CDYL: variants seen among roughly 807,000 people sequenced by gnomAD.
CDYL encodes chromodomain Y-like protein.
Under a neutral mutation model 47.3 loss-of-function variants are expected in CDYL, and 8 were observed. The observed-to-expected ratio is 0.17, with a 90% CI of 0.10 to 0.31. The LOEUF is 0.31. Ranked by LOEUF, CDYL falls within the 10% of genes least tolerant of loss-of-function variation. The pLI is 1.00. For missense variants in CDYL, 471 were observed against 701.4 expected, an observed-to-expected ratio of 0.67 and a Z score of 3.71; for synonymous variants, 266 against 265.0, an observed-to-expected ratio of 1.00 and a Z score of -0.04.
At chr6:4,750,756 G>A (rs1757974678) in intron 3 of CDYL, among the ~76,000 whole-genome samples, 1 of 151,678 alleles carries the variant, frequency 6.6e-6, no homozygotes, top group South Asian at 2.1e-4. Context: ...ATAGACAGGA[G>A]TTTGTTATCT....
intron 1 of CDYL, among the ~76,000 whole-genome samples, chr6:4,841,601 C>T (rs1023398557): frequency 1.3e-5 from 2 of 152,034 alleles, no homozygotes; most frequent in Non-Finnish European, 2.9e-5. Flanking sequence ...TCACTATTAT[C>T]GTTCAGTTCA....
intron 1 of CDYL, among the ~76,000 whole-genome samples, chr6:4,853,983 GTGT>G (rs1194582402): frequency 3.3e-5 from 5 of 152,250 alleles, no homozygotes; most frequent in Non-Finnish European, 5.9e-5. Context: ...TTCTGTGAAG[GTGT>G]TGTCCTGATT....
rs113387952 is a variant in CDYL at position 4,751,349 on chromosome 6, T to C, written c.186+16505T>C. Among the ~76,000 whole-genome samples, 289 of 152,290 alleles carry C rather than the reference T, an allele frequency of 1.9e-3. 6 individuals are homozygous for C. Among genetic ancestry groups the C allele is most frequent in the East Asian group, 0.012 (62 of 5,188 alleles). On this transcript the variant is annotated intron_variant, in intron 3 of 8. Transcript: ENST00000328908. ...CTCACCCAGACCTATGGAGTCAAAA[T>C]CTGCCTTTTATTGAGGTGCCCAAGT...
intron 1 of CDYL, among the ~76,000 whole-genome samples, chr6:4,707,797 ATTTGTT>A (rs1757073441): frequency 6.6e-6 from 1 of 152,144 alleles, no homozygotes; most frequent in African/African-American, 2.4e-5. Context: ...AGGAAACCTC[ATTTGTT>A]TTTAACTTTT....
At chr6:4,951,899 G>C (rs539458892) in intron 5 of CDYL, among the ~76,000 whole-genome samples, 1 of 152,270 alleles carries the variant, frequency 6.6e-6, no homozygotes, top group African/African-American at 2.4e-5. Context: ...CCGGCATTAG[G>C]GGGAGGAAGG....
intron 2 of CDYL, among the ~76,000 whole-genome samples, chr6:4,903,012 G>A (rs1212888052): frequency 6.6e-6 from 1 of 152,158 alleles, no homozygotes; most frequent in African/African-American, 2.4e-5. Context: ...CACACATTAG[G>A]GGCTTCATTA....
intron 1 of CDYL, among the ~76,000 whole-genome samples, chr6:4,833,084 CT>C (rs1486232562): frequency 4.8e-5 from 7 of 145,128 alleles, no homozygotes; most frequent in Non-Finnish European, 1.5e-5. Flanking sequence ...CAGTTCTGCT[CT>C]GATTTTAGTT....
At chr6:4,820,894 A>G (rs1022253275) in intron 1 of CDYL, among the ~76,000 whole-genome samples, 5 of 152,200 alleles carry the variant, frequency 3.3e-5, no homozygotes, top group African/African-American at 1.2e-4. Context: ...GAAATCTGTA[A>G]AACATCCGCA....
In CDYL at chr6:4,788,480, CAAAAA is replaced by C. The variant is rs1220969716; in HGVS notation, c.24+11691_24+11695del. ...CCTGGGTGACAGAGTGAGACTCTGT[CAAAAA>C]AAAAAAAAAAAAAAAAAGGCTTTTC... On this transcript the variant is annotated intron_variant, in intron 1 of 6. Transcript: ENST00000397588. Among the ~76,000 whole-genome samples the C allele has an allele frequency of 9.8e-3, 600 of 61,052 alleles. 3 individuals carry two copies. The highest frequency in any genetic ancestry group is 0.043 in the African/African-American group (575 of 13,528). The allele number at this position is 61,052 out of a possible 152,430, so 40.1% of individuals were successfully genotyped here. A position where few individuals can be genotyped will look rare whatever the true frequency, so the allele number is the denominator to read the frequency against.
chr6:4,720,759 G>C (rs1035768774), intron 2 of CDYL, among the ~76,000 whole-genome samples: 2 of 152,326 alleles, frequency 1.3e-5, no homozygotes, highest in African/African-American at 2.4e-5. Flanking sequence ...TTCCTGGAGT[G>C]ATCAGTCAAA....
At chr6:4,802,146 G>A (rs1561644418) in intron 1 of CDYL, among the ~76,000 whole-genome samples, 2 of 152,166 alleles carry the variant, frequency 1.3e-5, no homozygotes, top group African/African-American at 4.8e-5. Context: ...GAGCCAAGAT[G>A]CCACAAACTC....
At chr6:4,791,122 C>T (rs1758904742) in intron 1 of CDYL, among the ~76,000 whole-genome samples, 1 of 152,182 alleles carries the variant, frequency 6.6e-6, no homozygotes. Flanking sequence ...CAAAACCCAA[C>T]ATGAAGACTC....
chr6:4,913,161 TA>T (rs1445388386), intron 2 of CDYL, among the ~76,000 whole-genome samples: 2 of 152,206 alleles, frequency 1.3e-5, no homozygotes, highest in East Asian at 3.9e-4. Flanking sequence ...GCAGAGACCT[TA>T]TTGTGTCTTC....
intron 3 of CDYL, among the ~76,000 whole-genome samples, chr6:4,751,989 C>T (rs1758002452): frequency 6.6e-6 from 1 of 152,210 alleles, no homozygotes; most frequent in Non-Finnish European, 1.5e-5. Context: ...TGCATTGCAT[C>T]TCTATTTTTG....
At chr6:4,907,352 T>C (rs1757270246) in intron 2 of CDYL, among the ~76,000 whole-genome samples, 1 of 152,178 alleles carries the variant, frequency 6.6e-6, no homozygotes, top group African/African-American at 2.4e-5. Context: ...TTGTGGGTTT[T>C]TGTGTGTTTT....
At chr6:4,845,933 T>A (rs1760642555) in intron 1 of CDYL, among the ~76,000 whole-genome samples, 1 of 152,196 alleles carries the variant, frequency 6.6e-6, no homozygotes, top group Non-Finnish European at 1.5e-5. Flanking sequence ...GATCTCCTAT[T>A]TGAAAACTGG....
intron 1 of CDYL, among the ~76,000 whole-genome samples, chr6:4,794,857 T>C (rs2127436332): frequency 6.6e-6 from 1 of 152,356 alleles, no homozygotes; most frequent in East Asian, 1.9e-4. Flanking sequence ...TATGTATATC[T>C]GATCTTATAT....
chr6:4,887,913 T>A (rs1761941438), intron 1 of CDYL, among the ~76,000 whole-genome samples: 2 of 151,872 alleles, frequency 1.3e-5, no homozygotes, highest in African/African-American at 2.4e-5. Flanking sequence ...GAAGAGGTGT[T>A]GAATTTTCTC....
At chr6:4,799,944 A>G (rs1315258747) in intron 1 of CDYL, among the ~76,000 whole-genome samples, 1 of 152,124 alleles carries the variant, frequency 6.6e-6, no homozygotes, top group Non-Finnish European at 1.5e-5. Context: ...TTTTGTTTCT[A>G]GTAATACTTT....
Sources: allele counts gnomAD v4.1 joint callset (sites outside exome capture counted in the v4.1 genomes callset), GRCh38; gene constraint gnomAD v4.1.1; transcripts MANE v1.5; gene names NCBI Gene and HGNC (gene_info 2026-07-23, HGNC 2026-07-21).